Variants in PIP5K1B observed in about 807,000 individuals in gnomAD.
The protein encoded by PIP5K1B is phosphatidylinositol-4-phosphate 5-kinase type 1 beta.
Under a neutral mutation model 67.0 loss-of-function variants are expected in PIP5K1B, and 42 were observed. The ratio of observed to expected loss-of-function variants is 0.63; its 90% CI spans 0.49 to 0.81. PIP5K1B has a LOEUF of 0.81. Ranked by LOEUF, PIP5K1B falls within the 30% of genes least tolerant of loss-of-function variation. The pLI is 0.00. For missense variants in PIP5K1B, 459 were observed against 646.3 expected (o/e 0.71, Z 3.14); for synonymous variants, 214 against 231.4 (o/e 0.92, Z 0.68).
chr9:68,935,229 G>A (rs1456526775), intron 13 of PIP5K1B, among the ~76,000 whole-genome samples, 184 bp downstream of exon 13: 2 of 152,172 alleles, frequency 1.3e-5, no homozygotes, highest in Admixed American at 1.3e-4. Flanking sequence ...CACTTTGGGA[G>A]GCCTAGGTGG....
In PIP5K1B at chr9:68,875,179, C is replaced by T. The variant is rs540942859; in HGVS notation, c.201-1498C>T. ...AGGCAGTCTTAGTCCCTGTGTCACT[C>T]TCCTAGTGTGTAGCCGGGCTGCTGC... On this transcript the variant is annotated intron_variant, in intron 5 of 15. Transcript: ENST00000265382. Among the ~76,000 whole-genome samples the T allele has an allele frequency of 7.8e-4, 118 of 151,710 alleles. 2 individuals carry two copies. In the South Asian group the frequency reaches 0.025, roughly 32 times the overall value.
chr9:68,961,217 A>G (rs1587724730), intron 14 of PIP5K1B, among the ~76,000 whole-genome samples: 1 of 120,476 alleles, frequency 8.3e-6, no homozygotes, highest in East Asian at 2.5e-4. Flanking sequence ...ACTCCGTCTC[A>G]AAAAAAAAAA....
intron 2 of PIP5K1B, among the ~76,000 whole-genome samples, chr9:68,794,000 A>G (rs542039246): frequency 6.6e-6 from 1 of 152,372 alleles, no homozygotes; most frequent in African/African-American, 2.4e-5. Context: ...TTTAGAAACC[A>G]TGTGAAGAAG....
At chr9:68,839,677 T>C (rs1330471850) in intron 4 of PIP5K1B, among the ~76,000 whole-genome samples, 1 of 152,238 alleles carries the variant, frequency 6.6e-6, no homozygotes, top group Non-Finnish European at 1.5e-5. Context: ...TTAACTTGAA[T>C]GTGTATAAAA....
At chr9:68,824,424 G>T (rs151003258) in intron 4 of PIP5K1B, 87 of 300,568 alleles carry the variant, frequency 2.9e-4, no homozygotes, top group African/African-American at 1.5e-3. Flanking sequence ...TCTCCAGTAG[G>T]ATATTTAACT....
chr9:68,725,652 TCAGCATGGATGAGGAGAG>T (rs995205857), intron 1 of PIP5K1B, among the ~76,000 whole-genome samples: 182 of 152,244 alleles, frequency 1.2e-3, no homozygotes, highest in African/African-American at 4.1e-3. Flanking sequence ...AACATCACCT[TCAGCATGGATGAGGAGAG>T]CAGCATGGAT....
At chr9:68,901,105 T>C (rs1013839495) in intron 8 of PIP5K1B, among the ~76,000 whole-genome samples, 1 of 152,204 alleles carries the variant, frequency 6.6e-6, no homozygotes, top group African/African-American at 2.4e-5. Context: ...TTAGACCTAA[T>C]ACAAAGGAGA....
At chr9:68,811,035 T>C (rs946046137) in intron 2 of PIP5K1B, among the ~76,000 whole-genome samples, 3 of 152,048 alleles carry the variant, frequency 2.0e-5, no homozygotes, top group African/African-American at 7.2e-5. Context: ...TCCAGGAAAA[T>C]CATCCCAAGT....
intron 2 of PIP5K1B, chr9:68,780,556 C>A: frequency 6.2e-7 from 1 of 1,614,188 alleles, no homozygotes; most frequent in Non-Finnish European, 8.5e-7. Context: ...GTGGAGAAAT[C>A]CGCCTCCCCC....
chr9:68,885,495 T>C (rs1206272750), intron 6 of PIP5K1B, among the ~76,000 whole-genome samples: 5 of 152,232 alleles, frequency 3.3e-5, no homozygotes, highest in Admixed American at 2.0e-4. Context: ...GATGGATATG[T>C]TAGCCATCCT....
At chr9:68,738,521 G>A (rs969607863) in intron 1 of PIP5K1B, among the ~76,000 whole-genome samples, 3 of 152,126 alleles carry the variant, frequency 2.0e-5, no homozygotes, top group African/African-American at 7.2e-5. Context: ...TGTCATCTTG[G>A]GCCAGCAGTT....
At chr9:68,765,134 C>T (rs564860035) in intron 2 of PIP5K1B, among the ~76,000 whole-genome samples, 5 of 151,784 alleles carry the variant, frequency 3.3e-5, no homozygotes, top group Admixed American at 6.6e-5. Context: ...TGTTTTTACT[C>T]CAAAGGAAAT....
At chr9:68,724,865 A>AT (rs1191568548) in intron 1 of PIP5K1B, among the ~76,000 whole-genome samples, 3 of 152,242 alleles carry the variant, frequency 2.0e-5, no homozygotes, top group East Asian at 3.9e-4. Context: ...TTTATTGATT[A>AT]TTTTTATTCT....
chr9:68,769,032 T>C (rs1231758487), intron 2 of PIP5K1B, among the ~76,000 whole-genome samples: 1 of 152,244 alleles, frequency 6.6e-6, no homozygotes, highest in Admixed American at 6.5e-5. Flanking sequence ...GAACAAATGA[T>C]GAAGTGTTTG....
intron 15 of PIP5K1B, among the ~76,000 whole-genome samples, chr9:69,000,411 TA>T (rs1242839730): frequency 2.0e-5 from 3 of 152,140 alleles, no homozygotes; most frequent in African/African-American, 7.2e-5. Flanking sequence ...GCTATTTTAT[TA>T]GTTTTCTAGG....
chr9:68,961,354 T>C (rs2132748267), intron 14 of PIP5K1B, among the ~76,000 whole-genome samples: 1 of 152,324 alleles, frequency 6.6e-6, no homozygotes, highest in Middle Eastern at 3.4e-3. Flanking sequence ...GATGAAAATA[T>C]TCTAAAATTG....
intron 2 of PIP5K1B, among the ~76,000 whole-genome samples, chr9:68,806,682 G>A (rs1030485617): frequency 1.3e-5 from 2 of 151,926 alleles, no homozygotes; most frequent in South Asian, 4.2e-4. Context: ...CCTTCTCCAC[G>A]CCTGCTCCTT....
At chr9:68,758,493 A>G (rs902198734) in intron 2 of PIP5K1B, among the ~76,000 whole-genome samples, 2 of 152,178 alleles carry the variant, frequency 1.3e-5, no homozygotes, top group Admixed American at 6.5e-5. Context: ...AGTAGGCTCA[A>G]TAACTGAACA....
chr9:68,872,432 GAGGT>G (rs1320262229), intron 5 of PIP5K1B, among the ~76,000 whole-genome samples: 4 of 152,264 alleles, frequency 2.6e-5, no homozygotes, highest in African/African-American at 9.6e-5. Flanking sequence ...TAAATATGCA[GAGGT>G]AAACAAACCT....
Sources: allele counts gnomAD v4.1 joint callset (sites outside exome capture counted in the v4.1 genomes callset), GRCh38; gene constraint gnomAD v4.1.1; transcripts MANE v1.5; gene names NCBI Gene and HGNC (gene_info 2026-07-23, HGNC 2026-07-21).